The following KCNMA1 variants were observed in gnomAD, a reference collection of about 807,000 sequenced individuals.
KCNMA1 encodes potassium calcium-activated channel subfamily M alpha 1.
Under a neutral mutation model 140.0 loss-of-function variants are expected in KCNMA1, and 29 were observed. That is an observed-to-expected ratio of 0.21 (90% confidence interval 0.15 to 0.28). KCNMA1 has a LOEUF of 0.28. Among genes scored for constraint, KCNMA1 ranks in the 10% least tolerant of loss-of-function variants. The pLI, the probability that KCNMA1 is intolerant of heterozygous loss-of-function variation, is 1.00. For synonymous variants in KCNMA1, 612 were observed against 611.9 expected (o/e 1.00, Z 0.00); for missense variants, 880 against 1,602.2 (o/e 0.55, Z 7.70).
At position 76,887,473 on chromosome 10, in the gene KCNMA1, C is replaced by G. The variant is rs200945011; in HGVS notation, c.3504G>C (p.Pro1168=). The G allele has an allele frequency of 6.2e-7, 1 of 1,614,058 alleles. No homozygotes were observed. The highest frequency in any genetic ancestry group is 8.5e-7 in the Non-Finnish European group (1 of 1,180,022). ...GCATTAAGCAGAAGATCAGGTCCGTCGGCACGAGCTCAAACTCATAGGGCG... is the reference window on the plus strand; with the variant it reads ...GCATTAAGCAGAAGATCAGGTCCGTGGGCACGAGCTCAAACTCATAGGGCG... ...TNPPYEFELV[P]TDLIFCLMQF... Residue 1168 remains proline, a synonymous_variant, in exon 28 of 28, where the codon CCG becomes CCC. Transcript: ENST00000286628.
chr10:77,516,841 C>T (rs980346774), intron 1 of KCNMA1, among the ~76,000 whole-genome samples: 10 of 151,962 alleles, frequency 6.6e-5, no homozygotes, highest in Non-Finnish European at 1.0e-4. Flanking sequence ...TGCCGGTGTA[C>T]GGGAGACTGA....
intron 13 of KCNMA1, among the ~76,000 whole-genome samples, chr10:77,076,011 G>A (rs1003637058): frequency 6.6e-6 from 1 of 152,158 alleles, no homozygotes; most frequent in African/African-American, 2.4e-5. Context: ...CTCTCATGGA[G>A]AAGGAACTGG....
At chr10:77,484,628 G>A (rs527666239) in intron 1 of KCNMA1, among the ~76,000 whole-genome samples, 325 of 152,326 alleles carry the variant, frequency 2.1e-3, no homozygotes, top group Middle Eastern at 6.8e-3. Flanking sequence ...GATTCAAACT[G>A]TGTGCCCCTG....
At chr10:77,274,894 G>A (rs1815054569) in intron 2 of KCNMA1, among the ~76,000 whole-genome samples, 1 of 152,198 alleles carries the variant, frequency 6.6e-6, no homozygotes, top group Non-Finnish European at 1.5e-5. Context: ...TGTGGGGAGA[G>A]AAACTGAGAA....
intron 19 of KCNMA1, among the ~76,000 whole-genome samples, chr10:76,974,749 T>G (rs2153202784): frequency 6.6e-6 from 1 of 152,312 alleles, no homozygotes; most frequent in East Asian, 1.9e-4. Context: ...CCTGCAATTC[T>G]TTTTGCCGTC....
chr10:77,428,886 G>A (rs1299468381), intron 1 of KCNMA1, among the ~76,000 whole-genome samples: 2 of 152,178 alleles, frequency 1.3e-5, no homozygotes, highest in Non-Finnish European at 2.9e-5. Flanking sequence ...GGCAGGCAGT[G>A]GGTTTTGAAA....
intron 2 of KCNMA1, among the ~76,000 whole-genome samples, chr10:77,269,512 T>C (rs1166175375): frequency 6.6e-6 from 1 of 152,186 alleles, no homozygotes; most frequent in East Asian, 1.9e-4. Context: ...TTTTAAAACC[T>C]GGATTGTCAG....
At chr10:76,895,326 G>A (rs1233027693) in intron 25 of KCNMA1, among the ~76,000 whole-genome samples, 2 of 152,154 alleles carry the variant, frequency 1.3e-5, no homozygotes, top group Non-Finnish European at 2.9e-5. Context: ...TGTCTGAGGA[G>A]TTTTGTCTGC....
intron 1 of KCNMA1, among the ~76,000 whole-genome samples, chr10:77,526,810 G>T (rs1420230442): frequency 1.3e-5 from 2 of 151,684 alleles, no homozygotes; most frequent in Non-Finnish European, 2.9e-5. Context: ...AGTAGACATG[G>T]GTTTCCTTCT....
At chr10:77,478,282 G>T (rs2098319400) in intron 1 of KCNMA1, among the ~76,000 whole-genome samples, 2 of 152,174 alleles carry the variant, frequency 1.3e-5, no homozygotes, top group Admixed American at 1.3e-4. Flanking sequence ...ATTCCCAACA[G>T]AGCTGAGCTG....
At chr10:76,918,954 A>G (rs1007537229) in intron 23 of KCNMA1, among the ~76,000 whole-genome samples, 11 of 150,964 alleles carry the variant, frequency 7.3e-5, no homozygotes, top group Admixed American at 4.7e-4. Context: ...ACACATATAT[A>G]TGTGAGTGAA....
chr10:77,058,615 A>G (rs933643188), intron 14 of KCNMA1, among the ~76,000 whole-genome samples: 9 of 152,118 alleles, frequency 5.9e-5, no homozygotes, highest in Non-Finnish European at 1.2e-4. Context: ...GATAAGAGGA[A>G]TATCTTCAAA....
At chr10:77,457,564 AT>A (rs1440752091) in intron 1 of KCNMA1, among the ~76,000 whole-genome samples, 1 of 152,022 alleles carries the variant, frequency 6.6e-6, no homozygotes, top group Non-Finnish European at 1.5e-5. Flanking sequence ...GCTTCCTGCC[AT>A]TGCTATTCTC....
chr10:77,433,956 A>G (rs143137363), intron 1 of KCNMA1, among the ~76,000 whole-genome samples: 22 of 152,298 alleles, frequency 1.4e-4, no homozygotes, highest in African/African-American at 5.3e-4. Context: ...GGTAACTGCA[A>G]TTCCATCAAG....
chr10:77,605,243 C>A (rs2084059149), intron 1 of KCNMA1, among the ~76,000 whole-genome samples: 1 of 152,218 alleles, frequency 6.6e-6, no homozygotes, highest in Non-Finnish European at 1.5e-5. Flanking sequence ...CAGGGACTGT[C>A]CCGGATGCCC....
At chr10:77,411,880 C>A (rs563575529) in intron 1 of KCNMA1, among the ~76,000 whole-genome samples, 1 of 152,328 alleles carries the variant, frequency 6.6e-6, no homozygotes, top group Non-Finnish European at 1.5e-5. Context: ...GGCTGTGAAG[C>A]CCTCCTGCTA....
At chr10:77,495,062 T>G (rs780843383) in intron 1 of KCNMA1, among the ~76,000 whole-genome samples, 1 of 152,210 alleles carries the variant, frequency 6.6e-6, no homozygotes, top group Non-Finnish European at 1.5e-5. Flanking sequence ...TATTTCCAAA[T>G]AAGGTCACAT....
At chr10:76,967,963 T>C (rs2074588869) in intron 20 of KCNMA1, among the ~76,000 whole-genome samples, 1 of 152,128 alleles carries the variant, frequency 6.6e-6, no homozygotes, top group African/African-American at 2.4e-5. Context: ...ACAGGCATGC[T>C]TTTCAAAAAC....
At chr10:76,954,835 T>C (rs143079319) in intron 20 of KCNMA1, among the ~76,000 whole-genome samples, 74 of 152,336 alleles carry the variant, frequency 4.9e-4, no homozygotes, top group Non-Finnish European at 9.1e-4. Flanking sequence ...GTCTAGTGGG[T>C]TGGCAGAGCC....
Sources: allele counts gnomAD v4.1 joint callset (sites outside exome capture counted in the v4.1 genomes callset), GRCh38; gene constraint gnomAD v4.1.1; transcripts MANE v1.5; gene names NCBI Gene and HGNC (gene_info 2026-07-23, HGNC 2026-07-21).